Variants in PLXNB2 observed in about 807,000 individuals in gnomAD.
PLXNB2 encodes the protein plexin-B2.
Under a neutral mutation model 202.6 loss-of-function variants are expected in PLXNB2, and 85 were observed. The observed-to-expected ratio is 0.42, with a 90% confidence interval of 0.35 to 0.50. The LOEUF is 0.50. PLXNB2 is among the 20% of genes least tolerant of loss of function. PLXNB2 has a pLI of 0.02. For synonymous variants in PLXNB2, 1,239 were observed against 1,137.6 expected (o/e 1.09, Z -1.79); for missense variants, 2,063 against 2,586.2 (o/e 0.80, Z 4.39).
In PLXNB2 at chr22:50,297,339, C is replaced by T. The variant is rs940633498; in HGVS notation, c.-73-2561G>A. The stretch of plus-strand genomic sequence containing the variant: ...AGGCTGGCTTCTGTCCCGCCCATCC[C>T]GCACGCCCTCGAACAACCTCCCCTG... On this transcript the variant is annotated intron_variant, in intron 1 of 36. Transcript: ENST00000359337. This position sits in a 1 kb window ranked among gnomAD's most constrained non-coding sequence, Gnocchi z 5.3. Among the ~76,000 whole-genome samples the T allele has an allele frequency of 2.6e-5, 4 of 152,142 alleles. No individual in the cohort carries two copies. Among genetic ancestry groups the T allele is most frequent in the Admixed American group, 1.3e-4 (2 of 15,284 alleles).
chr22:50,279,408 C>CG (rs2065836239), intron 27 of PLXNB2, among the ~76,000 whole-genome samples: 1 of 152,178 alleles, frequency 6.6e-6, no homozygotes, highest in Non-Finnish European at 1.5e-5. Flanking sequence ...TGGGGGCGCC[C>CG]GGGAAGAGCT....
At position 50,279,005 on chromosome 22, in the gene PLXNB2, T is replaced by A. The variant is rs768751941; in HGVS notation, c.4396A>T (p.Ser1466Cys). 2 of 1,606,374 alleles carry A rather than the reference T, an allele frequency of 1.2e-6. No homozygotes were observed. Among genetic ancestry groups the A allele is most frequent in the African/African-American group, 2.7e-5 (2 of 74,818 alleles). Residue 1466 changes from serine (S) to cysteine (C), a missense_variant, in exon 28 of 37, where the codon AGC becomes TGC. Around this residue, in one of 2 missense-constraint regions of PLXNB2, gnomAD observed 760 missense variants for 1,109.4 expected, o/e 0.69. Transcript: ENST00000359337. Reference sequence around the variant, plus strand: ...ACTCCCTCGTCCTGCACGATCACGCTCACCGTCTGCCGAGACATCCGGGAT... The same window carrying A: ...ACTCCCTCGTCCTGCACGATCACGCACACCGTCTGCCGAGACATCCGGGAT... ...DDVEYAPLTV[S>C]VIVQDEGVDA...
chr22:50,283,767 G>C lies in PLXNB2; in HGVS notation c.2422-17C>G, dbSNP rs764893868. ...AGGCTGGATCTGAAACCACAGAGCC[G>C]GGTGAGCAGGGAGGGGCTCATGCCA... On this transcript the variant is annotated splice_polypyrimidine_tract_variant and intron_variant, in intron 14 of 36. Coordinates refer to ENST00000359337, the MANE Select transcript of PLXNB2 (RefSeq NM_012401.4). 1 of 1,613,076 alleles carries C rather than the reference G, an allele frequency of 6.2e-7. No homozygotes were observed. The highest frequency in any genetic ancestry group is 8.5e-7 in the Non-Finnish European group (1 of 1,179,870).
chr22:50,289,413 C>G lies in PLXNB2; in HGVS notation c.1068+104G>C. 1 of 1,392,238 alleles carries G rather than the reference C, an allele frequency of 7.2e-7. No individual in the cohort carries two copies. The highest frequency in any genetic ancestry group is 9.5e-7 in the Non-Finnish European group (1 of 1,049,720). 86.2% of individuals were successfully genotyped at this position (1,392,238 alleles called of 1,614,324 possible). A position where few individuals can be genotyped will look rare whatever the true frequency, so the allele number is the denominator to read the frequency against. ...CAAGCGCCCAGGCTGGCGAGAGCCA[C>G]GGCCACACTGCTCACGTGCACCCTC... On this transcript the variant is annotated intron_variant, in intron 3 of 36. Coordinates refer to ENST00000359337, the MANE Select transcript of PLXNB2 (RefSeq NM_012401.4). This position sits in a 1 kb window ranked among gnomAD's most constrained non-coding sequence, Gnocchi z 8.0.
At chr22:50,296,389 G>C (rs996660628) in intron 1 of PLXNB2, among the ~76,000 whole-genome samples, 10 of 144,984 alleles carry the variant, frequency 6.9e-5, no homozygotes, top group Non-Finnish European at 1.0e-4. Flanking sequence ...GCGAGACCCT[G>C]ACTCTAAGAT....
intron 2 of PLXNB2, among the ~76,000 whole-genome samples, chr22:50,292,669 T>C (rs2066961805): frequency 2.6e-5 from 4 of 151,932 alleles, no homozygotes; most frequent in Admixed American, 1.3e-4. Context: ...AGGGGAAGTG[T>C]TTCTCCCGAG....
At position 50,297,206 on chromosome 22, in the gene PLXNB2, G is replaced by C. The variant is rs1369608861; in HGVS notation, c.-73-2428C>G. ...CCCAGACCTGCCATCTTGAAGGGAC[G>C]CCACACCGGCCTGTGTGCCCCATGC... On this transcript the variant is annotated intron_variant, in intron 1 of 36. Coordinates refer to ENST00000359337, the MANE Select transcript of PLXNB2 (RefSeq NM_012401.4). This position sits in a 1 kb window ranked among gnomAD's most constrained non-coding sequence, Gnocchi z 5.3. 1.3e-5 allele frequency among the ~76,000 whole-genome samples: 2 copies of C among 152,118 alleles called. No individual in the cohort carries two copies. Among genetic ancestry groups the C allele is most frequent in the Admixed American group, 1.3e-4 (2 of 15,290 alleles).
Position 50,286,245 on chromosome 22 carries a change from T to C in PLXNB2, c.1805A>G (p.Asn602Ser). Residue 602 changes from asparagine to serine, a missense_variant, in exon 9 of 37, where the codon AAC becomes AGC. Asn to Ser is a conservative substitution (Grantham distance 46). Coordinates refer to ENST00000359337, the MANE Select transcript of PLXNB2 (RefSeq NM_012401.4). ...GTACTGGTAGGACGTGAGGAAGATG[T>C]TGCCTCGTCTAAGGAGGAGCTGGAT... The part of the protein sequence containing the change: ...VTIQLLLRRG[N>S]IFLTSYQYPF... 6.2e-7 allele frequency: 1 copy of C among 1,613,196 alleles called. No individual in the cohort carries two copies. The highest frequency in any genetic ancestry group is 1.1e-5 in the South Asian group (1 of 91,080).
Position 50,290,274 on chromosome 22 carries a change from G to A in PLXNB2, c.311C>T (p.Pro104Leu). 1 of 1,611,756 alleles carries A rather than the reference G, an allele frequency of 6.2e-7. No individual in the cohort carries two copies. The highest frequency in any genetic ancestry group is 8.5e-7 in the Non-Finnish European group (1 of 1,180,020). ...GCACTCCACCAGGCGCTTCCTGGGA[G>A]GGTCGAGCAGCAGCAGCTGGTTGAC... The part of the protein sequence containing the change: ...DNVNQLLLLD[P>L]PRKRLVECGS... The change falls in exon 3 of 37, where the codon CCT becomes CTT. Residue 104 changes from proline to leucine, a missense_variant. By Grantham distance (98) the Pro-to-Leu change is moderately conservative (BLOSUM62 -3). Transcript: ENST00000359337.
rs1023659153 is a variant in PLXNB2 at position 50,276,077 on chromosome 22, T to G, written c.5338-114A>C. 8.3e-6 allele frequency: 8 copies of G among 958,840 alleles called. No homozygotes were observed. In the African/African-American group the frequency reaches 1.3e-4, roughly 16 times the overall value. 59.4% of individuals were successfully genotyped at this position (958,840 alleles called of 1,614,324 possible). On this transcript the variant is annotated intron_variant, in intron 35 of 36. Transcript: ENST00000359337. ...CTCCCCGGGGAAGCAGCTGGGGCCTTGGGCACAGCTGGCACTTGGGGCCCC... is the reference window on the plus strand; with the variant it reads ...CTCCCCGGGGAAGCAGCTGGGGCCTGGGGCACAGCTGGCACTTGGGGCCCC...
chr22:50,279,003 G>C lies in PLXNB2; in HGVS notation c.4398C>G (p.Ser1466Arg), dbSNP rs1050704647. 6.2e-7 allele frequency: 1 copy of C among 1,607,220 alleles called. No homozygotes were observed. Among genetic ancestry groups the C allele is most frequent in the Admixed American group, 1.7e-5 (1 of 59,706 alleles). Residue 1466 changes from serine to arginine, a missense_variant, in exon 28 of 37, where the codon AGC (serine) becomes AGG (arginine). Transcript: ENST00000359337. ...CCACTCCCTCGTCCTGCACGATCACGCTCACCGTCTGCCGAGACATCCGGG... is the reference window on the plus strand; with the variant it reads ...CCACTCCCTCGTCCTGCACGATCACCCTCACCGTCTGCCGAGACATCCGGG... ...DDVEYAPLTV[S>R]VIVQDEGVDA... is the part of the protein sequence containing the mutation.
At chr22:50,298,651 C>T (rs1331539876) in intron 1 of PLXNB2, among the ~76,000 whole-genome samples, 1 of 152,184 alleles carries the variant, frequency 6.6e-6, no homozygotes, top group African/African-American at 2.4e-5. Context: ...CTGGGCCATT[C>T]TTTTCTTTTT....
chr22:50,306,126 A>G (rs2067873539), intron 1 of PLXNB2, among the ~76,000 whole-genome samples: 1 of 152,128 alleles, frequency 6.6e-6, no homozygotes. Context: ...CTTTCTTGGC[A>G]GGCAGCCGGT....
intron 35 of PLXNB2, 97 bp downstream of exon 35, chr22:50,276,532 G>T (rs2065609081): frequency 1.9e-6 from 2 of 1,071,124 alleles, no homozygotes; most frequent in Non-Finnish European, 2.9e-6. Context: ...CTCCCCCTCA[G>T]CACCACATTA....
At position 50,288,876 on chromosome 22, in the gene PLXNB2, G is replaced by T; in HGVS notation, c.1252-5C>A. 1 of 1,613,314 alleles carries T rather than the reference G, an allele frequency of 6.2e-7. No homozygotes were observed. Among genetic ancestry groups the T allele is most frequent in the Non-Finnish European group, 8.5e-7 (1 of 1,179,920 alleles). On this transcript the variant is annotated splice_polypyrimidine_tract_variant and splice_region_variant and intron_variant, in intron 4 of 36. Transcript: ENST00000359337. The surrounding 1 kb of genome is among the most constrained non-coding windows in gnomAD (Gnocchi z 5.0). ...GCCATCTGGGGTGAGGTACACCTGT[G>T]TGCGCGAGGGCAGGCCGGTGAGGGT...
rs746824032 is a variant in PLXNB2 at position 50,278,515 on chromosome 22, C to T, written c.4652G>A (p.Arg1551Gln). 15 of 1,570,968 alleles carry T rather than the reference C, an allele frequency of 9.5e-6. No homozygotes were observed. The highest frequency in any genetic ancestry group is 3.8e-5 in the Admixed American group (2 of 53,240). The change falls in exon 30 of 37, where the codon CGG becomes CAG. Residue 1551 changes from arginine (R) to glutamine (Q), a missense_variant. Arg to Gln is a conservative substitution (Grantham distance 43). This residue lies in a region of PLXNB2 where 760 missense variants were observed against 1,109.4 expected (regional missense o/e 0.69). Transcript: ENST00000359337. Reference protein sequence around the residue: ...RVNTLMHYNVRDGATLILSKV... With the variant: ...RVNTLMHYNVQDGATLILSKV... Reference sequence around the variant, plus strand: ...GGACAGGATGAGGGTGGCTCCATCCCGGACCTGGGGAACACGGCGGTGAGG... The same window carrying T: ...GGACAGGATGAGGGTGGCTCCATCCTGGACCTGGGGAACACGGCGGTGAGG...
chr22:50,290,078 A>G lies in PLXNB2; in HGVS notation c.507T>C (p.Phe169=). Reference sequence around the variant, plus strand: ...CGTGTGGCCCATTGCCTTTGCCCACAAACAGCACGCGGTCACCACCAGGAC... The same window carrying G: ...CGTGTGGCCCATTGCCTTTGCCCACGAACAGCACGCGGTCACCACCAGGAC... ...STGPGGDRVL[F]VGKGNGPHDN... is the part of the protein sequence containing the mutation. Residue 169 remains phenylalanine, a synonymous_variant, in exon 3 of 37, where the codon TTT becomes TTC. Transcript: ENST00000359337. 2 of 1,613,274 alleles carry G rather than the reference A, an allele frequency of 1.2e-6. No individual in the cohort carries two copies. The highest frequency in any genetic ancestry group is 1.7e-6 in the Non-Finnish European group (2 of 1,180,014).
chr22:50,300,098 G>C (rs1003128659), intron 1 of PLXNB2, among the ~76,000 whole-genome samples: 2 of 152,002 alleles, frequency 1.3e-5, no homozygotes, highest in African/African-American at 4.8e-5. Context: ...GGACTCCGGC[G>C]CCCCGTCCGC....
chr22:50,286,799 G>A (rs961876379), intron 8 of PLXNB2, among the ~76,000 whole-genome samples: 2 of 152,210 alleles, frequency 1.3e-5, no homozygotes, highest in African/African-American at 2.4e-5. Flanking sequence ...GGTGAGGGGC[G>A]TCTGCCGAGA....
Sources: allele counts gnomAD v4.1 joint callset (sites outside exome capture counted in the v4.1 genomes callset), GRCh38; gene constraint gnomAD v4.1.1; regional missense constraint gnomAD v4.1.1; non-coding constraint Gnocchi (gnomAD v3.1); transcripts MANE v1.5; gene names NCBI Gene and HGNC (gene_info 2026-07-23, HGNC 2026-07-21).